The following SPATA6L variants were observed in gnomAD, a reference collection of about 807,000 sequenced individuals.
SPATA6L encodes spermatogenesis associated 6-like protein.
In SPATA6L, 68 loss-of-function variants were observed where a neutral mutation model predicts 49.2. The observed-to-expected ratio is 1.38, with a 90% CI of 1.14 to 1.69. SPATA6L has a LOEUF of 1.69. Among genes scored for constraint, SPATA6L ranks in the 40% most tolerant of loss-of-function variants. The pLI, the probability that SPATA6L is intolerant of heterozygous loss-of-function variation, is 0.00. For synonymous variants in SPATA6L, 198 were observed against 165.7 expected (o/e 1.19, Z -1.50); for missense variants, 668 against 464.3 (o/e 1.44, Z -4.03).
intron 10 of SPATA6L, among the ~76,000 whole-genome samples, chr9:4,604,831 C>G (rs535760819): frequency 6.6e-6 from 1 of 152,154 alleles, no homozygotes; most frequent in Non-Finnish European, 1.5e-5. Flanking sequence ...GTATCTGAAT[C>G]AGTGACAAAG....
At chr9:4,605,088 G>A (rs564321955) in intron 10 of SPATA6L, among the ~76,000 whole-genome samples, 1 of 152,178 alleles carries the variant, frequency 6.6e-6, no homozygotes, top group South Asian at 2.1e-4. Context: ...TGAGTGCTGT[G>A]CACCAAATTA....
chr9:4,644,523 G>A (rs1326453008), intron 3 of SPATA6L, among the ~76,000 whole-genome samples: 1 of 151,872 alleles, frequency 6.6e-6, no homozygotes, highest in Non-Finnish European at 1.5e-5. Flanking sequence ...TATAAATAAA[G>A]ATTCTCTCAG....
At chr9:4,655,452 A>T (rs1213545784) in intron 3 of SPATA6L, among the ~76,000 whole-genome samples, 2 of 152,250 alleles carry the variant, frequency 1.3e-5, no homozygotes, top group African/African-American at 4.8e-5. Flanking sequence ...AAAATATTCT[A>T]ATTTAATGAA....
In SPATA6L at chr9:4,618,098, G is replaced by C; in HGVS notation, c.820C>G (p.Pro274Ala). Residue 274 changes from proline (P) to alanine (A), a missense_variant, in exon 9 of 12, where the codon CCA (proline) becomes GCA (alanine). Coordinates refer to ENST00000682582, the MANE Select transcript of SPATA6L (RefSeq NM_001353486.2). ...LAANVKVIKE[P>A]DERIVLRSDS... ...CTCCTTAAAACAATCCGTTCATCTG[G>C]CTCTTTGATAACCTGAGTGACAATA... is the stretch of plus-strand genomic sequence containing the variant. 3 of 1,606,834 alleles carry C rather than the reference G, an allele frequency of 1.9e-6. No individual in the cohort carries two copies. The highest frequency in any genetic ancestry group is 2.2e-5 in the South Asian group (2 of 89,762).
intron 3 of SPATA6L, among the ~76,000 whole-genome samples, chr9:4,648,535 C>G (rs1026689561): frequency 6.6e-6 from 1 of 151,626 alleles, no homozygotes; most frequent in Admixed American, 6.6e-5. Flanking sequence ...CCCGTCTCTA[C>G]TAAAAATACA....
At chr9:4,646,469 G>T (rs2130681255) in intron 3 of SPATA6L, 1 of 1,501,060 alleles carries the variant, frequency 6.7e-7, no homozygotes. Context: ...TTTAGAAACG[G>T]ATTTACTGCC....
chr9:4,609,670 C>G (rs527521486), intron 9 of SPATA6L, among the ~76,000 whole-genome samples: 19 of 151,476 alleles, frequency 1.3e-4, no homozygotes, highest in East Asian at 9.7e-4. Flanking sequence ...CTATCTGTGA[C>G]AAACCCAAAG....
In SPATA6L at chr9:4,644,658, TTC is replaced by T. The variant is rs375004235; in HGVS notation, c.227-9261_227-9260del. On this transcript the variant is annotated intron_variant, in intron 3 of 11. Coordinates refer to ENST00000682582, the MANE Select transcript of SPATA6L (RefSeq NM_001353486.2). ...AGGAGAATTTTCTGAGTTTTCAGTA[TTC>T]TCTCTCTCTCTCTCTCTCTCTCTCT... Among the ~76,000 whole-genome samples the T allele has an allele frequency of 9.7e-3, 1,393 of 142,874 alleles. 16 individuals carry two copies. Among genetic ancestry groups the T allele is most frequent in the African/African-American group, 0.024 (912 of 37,416 alleles). 93.7% of individuals were successfully genotyped at this position (142,874 alleles called of 152,430 possible).
In SPATA6L at chr9:4,619,551, A is replaced by G. The variant is rs929648900; in HGVS notation, c.773-653T>C. On this transcript the variant is annotated intron_variant, in intron 7 of 11. Coordinates refer to ENST00000682582, the MANE Select transcript of SPATA6L (RefSeq NM_001353486.2). ...AACCCTTAAGCAGCCTGAAAAACTC[A>G]TATTTGAGCAGGCGCCCAGAACCTA... Among the ~76,000 whole-genome samples, 5 of 152,152 alleles carry G rather than the reference A, an allele frequency of 3.3e-5. No individual in the cohort carries two copies. In the South Asian group the frequency reaches 1.0e-3, roughly 32 times the overall value.
intron 3 of SPATA6L, among the ~76,000 whole-genome samples, chr9:4,652,051 C>A (rs1008658802): frequency 2.0e-5 from 3 of 152,082 alleles, no homozygotes; most frequent in Non-Finnish European, 4.4e-5. Context: ...ATAGAAAATC[C>A]TAAGGAATCA....
chr9:4,619,121 T>A (rs1389259870), intron 7 of SPATA6L, among the ~76,000 whole-genome samples: 1 of 151,956 alleles, frequency 6.6e-6, no homozygotes, highest in Non-Finnish European at 1.5e-5. Flanking sequence ...TGTTTTTTGT[T>A]TTTGTCTTTT....
Position 4,666,390 on chromosome 9 carries a change from C to T in SPATA6L, c.-140G>A, listed in dbSNP as rs1840869907. The T allele has an allele frequency of 1.2e-6, 1 of 868,684 alleles. No homozygotes were observed. The highest frequency in any genetic ancestry group is 1.9e-6 in the Non-Finnish European group (1 of 530,042). The allele number at this position is 868,684 out of a possible 1,614,324, so 53.8% of individuals were successfully genotyped here. A position where few individuals can be genotyped will look rare whatever the true frequency, so the allele number is the denominator to read the frequency against. ...CAGTCCCACGCCCTTGTTCCCCTACCGTCCCCCCCAGCCCAGGTCCCTCCC... is the reference window on the plus strand; with the variant it reads ...CAGTCCCACGCCCTTGTTCCCCTACTGTCCCCCCCAGCCCAGGTCCCTCCC... On this transcript the variant is annotated 5_prime_UTR_variant, in exon 1 of 12. Transcript: ENST00000682582.
chr9:4,648,556 C>T (rs1490266364), intron 3 of SPATA6L, among the ~76,000 whole-genome samples: 4 of 151,600 alleles, frequency 2.6e-5, no homozygotes, highest in African/African-American at 4.9e-5. Flanking sequence ...AAAAATTAGC[C>T]GGGCGTGGTG....
chr9:4,614,157 T>C (rs1417751086), intron 9 of SPATA6L, among the ~76,000 whole-genome samples: 1 of 152,168 alleles, frequency 6.6e-6, no homozygotes, highest in Non-Finnish European at 1.5e-5. Flanking sequence ...CCTCGAGTCA[T>C]GTGGAGAGAG....
chr9:4,621,099 G>C (rs1829191759), intron 7 of SPATA6L, among the ~76,000 whole-genome samples: 1 of 152,168 alleles, frequency 6.6e-6, no homozygotes, highest in Non-Finnish European at 1.5e-5. Context: ...TCTATTGTCA[G>C]GGATGGCAAC....
At position 4,600,508 on chromosome 9, in the gene SPATA6L, G is replaced by GAGAGA. The variant is rs1554697389; in HGVS notation, c.*302_*303insTCTCT. The GAGAGA allele has an allele frequency of 2.9e-5, 1 of 34,796 alleles. No homozygotes were observed. The highest frequency in any genetic ancestry group is 6.8e-5 in the African/African-American group (1 of 14,810). The allele number at this position is 34,796 out of a possible 1,614,324, so 2.2% of individuals were successfully genotyped here. ...CAGAGAGAGCCAGAGAGAGAGAGAG[G>GAGAGA]GGAAGTGTTCAGATAAGCACCTGCC... is the stretch of plus-strand genomic sequence containing the variant. On this transcript the variant is annotated 3_prime_UTR_variant, in exon 12 of 12. Coordinates refer to ENST00000682582, the MANE Select transcript of SPATA6L (RefSeq NM_001353486.2).
chr9:4,636,900 T>C (rs4740796), intron 3 of SPATA6L, among the ~76,000 whole-genome samples: 17,605 of 152,184 alleles, frequency 0.12, 1,463 homozygotes, highest in East Asian at 0.33. Flanking sequence ...ACTTCCACCA[T>C]GCATGCTCTC....
intron 2 of SPATA6L, among the ~76,000 whole-genome samples, chr9:4,660,134 A>C (rs998248176): frequency 5.0e-4 from 76 of 152,222 alleles, no homozygotes; most frequent in African/African-American, 1.8e-3. Context: ...GGACTTCATG[A>C]CTAAAACACC....
At chr9:4,594,233 G>A (rs918292013), downstream of SPATA6L, among the ~76,000 whole-genome samples, 3 of 151,370 alleles carry the variant, frequency 2.0e-5, no homozygotes, top group African/African-American at 7.3e-5. Flanking sequence ...TTTGTTTTTC[G>A]GAGTCTCGCT....
Sources: gnomAD v4.1 joint callset for allele counts (sites outside exome capture counted in the v4.1 genomes callset) on GRCh38, gnomAD v4.1.1 for gene constraint, MANE v1.5 for transcripts, NCBI Gene and HGNC (gene_info 2026-07-23, HGNC 2026-07-21) for gene names.